The following PCDHGA2 variants were observed in gnomAD, a reference collection of about 807,000 sequenced individuals.
The protein encoded by PCDHGA2 is protocadherin gamma-A2.
A neutral mutation model predicts 59.2 loss-of-function variants in PCDHGA2; 40 were observed. That is an observed-to-expected ratio of 0.68 (90% confidence interval 0.52 to 0.88). PCDHGA2 has a LOEUF of 0.88. Among genes scored for constraint, PCDHGA2 ranks in the 40% least tolerant of loss-of-function variants. The pLI is 0.00. For synonymous variants in PCDHGA2, 560 were observed against 526.0 expected (o/e 1.06, Z -0.89); for missense variants, 1,226 against 1,204.0 (o/e 1.02, Z -0.27).
Position 141,360,540 on chromosome 5 carries a change from GA to G in PCDHGA2, c.2424+19146del, listed in dbSNP as rs760797244. On this transcript the variant is annotated intron_variant, in intron 1 of 3. Transcript: ENST00000394576. ...ATGATAATACCCCGCTATTCAAACAGACTAAGATTAATTTAAAAATTGGCGA... is the reference window on the plus strand; with the variant it reads ...ATGATAATACCCCGCTATTCAAACAGCTAAGATTAATTTAAAAATTGGCGA... 3.1e-6 allele frequency: 5 copies of G among 1,613,812 alleles called. No homozygotes were observed. In the African/African-American group the frequency reaches 6.7e-5, roughly 22 times the overall value.
At chr5:141,384,205 ACT>A (rs1561601043) in intron 1 of PCDHGA2, 2 of 1,613,874 alleles carry the variant, frequency 1.2e-6, no homozygotes, top group East Asian at 2.2e-5. Context: ...GTCCAGGGAA[ACT>A]CACATATTCA....
At chr5:141,395,498 C>T (rs1055094075) in intron 1 of PCDHGA2, 1 of 484,580 alleles carries the variant, frequency 2.1e-6, no homozygotes, top group Non-Finnish European at 3.6e-6. Context: ...CACTCATTCA[C>T]TTAAGAAGTA....
chr5:141,468,950 T>TG (rs752125489), intron 1 of PCDHGA2, among the ~76,000 whole-genome samples: 34 of 140,680 alleles, frequency 2.4e-4, no homozygotes, highest in African/African-American at 4.9e-4. Context: ...GGTAAACCTG[T>TG]GGTTTTTTTT....
chr5:141,348,668 AG>A, intron 1 of PCDHGA2, among the ~76,000 whole-genome samples: 1 of 152,312 alleles, frequency 6.6e-6, no homozygotes, highest in East Asian at 1.9e-4. Context: ...TTCACTAAAA[AG>A]GATTTATTTT....
intron 1 of PCDHGA2, chr5:141,403,454 C>A: frequency 6.2e-7 from 1 of 1,614,054 alleles, no homozygotes; most frequent in Non-Finnish European, 8.5e-7. Flanking sequence ...GAACTCCCTC[C>A]AGAGCTACCA....
chr5:141,395,147 G>T (rs906877951), intron 1 of PCDHGA2: 21 of 1,614,092 alleles, frequency 1.3e-5, no homozygotes, highest in Non-Finnish European at 1.8e-5. Context: ...ACGCAGACAT[G>T]CTCATCAGTC....
rs755190269 is a variant in PCDHGA2 at position 141,385,225 on chromosome 5, G to A, written c.2424+43830G>A. 9.9e-6 allele frequency: 16 copies of A among 1,614,114 alleles called. No individual in the cohort carries two copies. Among genetic ancestry groups the A allele is most frequent in the Non-Finnish European group, 1.3e-5 (15 of 1,180,054 alleles). On this transcript the variant is annotated intron_variant, in intron 1 of 3. Transcript: ENST00000394576. ...CCTGATCTTCCCCCAGCCCAACTAT[G>A]TAGACATGCTCATCAGCCAGGAGAG...
chr5:141,509,691 AC>A (rs1471858383), intron 3 of PCDHGA2, among the ~76,000 whole-genome samples: 5 of 152,064 alleles, frequency 3.3e-5, no homozygotes, highest in African/African-American at 1.2e-4. Flanking sequence ...GTACAGTGGG[AC>A]GTTGGACTGG....
chr5:141,357,616 C>T, intron 1 of PCDHGA2: 1 of 1,613,818 alleles, frequency 6.2e-7, no homozygotes, highest in Non-Finnish European at 8.5e-7. Context: ...AGACCCTAAT[C>T]TTCAGGTGAG....
At chr5:141,413,650 C>T (rs1384444202) in intron 1 of PCDHGA2, 2 of 1,613,714 alleles carry the variant, frequency 1.2e-6, no homozygotes, top group Non-Finnish European at 1.7e-6. Flanking sequence ...TTTTCCTCTC[C>T]CGGAAGCTAT....
intron 1 of PCDHGA2, chr5:141,393,048 C>T (rs745354934): frequency 1.2e-6 from 2 of 1,613,672 alleles, no homozygotes; most frequent in African/African-American, 1.3e-5. Context: ...TGCTCTGAAC[C>T]CGCGCAGCGG....
intron 1 of PCDHGA2, chr5:141,375,127 T>C (rs368439130): frequency 2.5e-6 from 4 of 1,613,808 alleles, no homozygotes; most frequent in African/African-American, 1.3e-5. Flanking sequence ...CAGAAGTGGT[T>C]GTTACATCTG....
At chr5:141,344,237 C>T in intron 1 of PCDHGA2, 1 of 1,614,036 alleles carries the variant, frequency 6.2e-7, no homozygotes, top group Non-Finnish European at 8.5e-7. Context: ...GCATCGTCTC[C>T]AGAGGTAGGA....
intron 1 of PCDHGA2, among the ~76,000 whole-genome samples, chr5:141,368,280 A>G (rs778182605): frequency 2.6e-5 from 4 of 152,160 alleles, no homozygotes; most frequent in African/African-American, 7.2e-5. Context: ...ACCTAAGACC[A>G]CTTGATTTTT....
intron 1 of PCDHGA2, chr5:141,405,415 G>GT (rs757320616): frequency 1.9e-6 from 3 of 1,559,568 alleles, no homozygotes; most frequent in South Asian, 2.3e-5. Context: ...TTCTTTTTTT[G>GT]TTTTTTGTTT....
chr5:141,383,038 G>C, intron 1 of PCDHGA2: 1 of 1,613,858 alleles, frequency 6.2e-7, no homozygotes, highest in Non-Finnish European at 8.5e-7. Flanking sequence ...CTTTGTGGGA[G>C]ACATCGCCAA....
intron 1 of PCDHGA2, chr5:141,423,387 G>A (rs373190092): frequency 6.2e-7 from 1 of 1,614,162 alleles, no homozygotes; most frequent in Non-Finnish European, 8.5e-7. Context: ...TGTGGCGCTG[G>A]CATAAGTCAC....
At chr5:141,383,101 T>C (rs1561594429) in intron 1 of PCDHGA2, 2 of 1,613,954 alleles carry the variant, frequency 1.2e-6, no homozygotes, top group Non-Finnish European at 8.5e-7. Flanking sequence ...CCGCATCATC[T>C]CCAGAGGTAG....
intron 1 of PCDHGA2, chr5:141,393,048 C>A (rs745354934): frequency 3.7e-6 from 6 of 1,613,672 alleles, no homozygotes; most frequent in Non-Finnish European, 5.1e-6. Flanking sequence ...TGCTCTGAAC[C>A]CGCGCAGCGG....
Sources: gnomAD v4.1 joint callset for allele counts (sites outside exome capture counted in the v4.1 genomes callset) on GRCh38, gnomAD v4.1.1 for gene constraint, MANE v1.5 for transcripts, NCBI Gene and HGNC (gene_info 2026-07-23, HGNC 2026-07-21) for gene names.